CCNY: variants seen among roughly 807,000 people sequenced by gnomAD.
CCNY encodes cyclin-Y.
In CCNY, 19 loss-of-function variants were observed where a neutral mutation model predicts 42.8. That is an observed-to-expected ratio of 0.44 (90% confidence interval 0.31 to 0.65). The LOEUF is 0.65. CCNY is among the 30% of genes least tolerant of loss of function. The pLI is 0.07. For synonymous variants in CCNY, 165 were observed against 162.7 expected (o/e 1.01, Z -0.11); for missense variants, 370 against 437.3 (o/e 0.85, Z 1.37).
chr10:35,538,416 A>G (rs757815251), intron 7 of CCNY, among the ~76,000 whole-genome samples: 4 of 152,226 alleles, frequency 2.6e-5, no homozygotes, highest in Non-Finnish European at 5.9e-5. Flanking sequence ...GCACAATTTC[A>G]GATTTCCTTT....
chr10:35,440,490 A>T (rs1438442266), intron 1 of CCNY, among the ~76,000 whole-genome samples: 4 of 152,220 alleles, frequency 2.6e-5, no homozygotes, highest in African/African-American at 4.8e-5. Context: ...TGCTTATGAA[A>T]ACAGCCTGGC....
chr10:35,376,758 C>T (rs977369297), intron 1 of CCNY, among the ~76,000 whole-genome samples: 2 of 152,066 alleles, frequency 1.3e-5, no homozygotes, highest in African/African-American at 4.8e-5. Context: ...CATGGGTGAA[C>T]CTTTAAAACA....
chr10:35,350,749 A>G (rs1836412754), intron 1 of CCNY, among the ~76,000 whole-genome samples: 1 of 152,228 alleles, frequency 6.6e-6, no homozygotes, highest in Admixed American at 6.5e-5. Flanking sequence ...TTTGATCTCA[A>G]GAGTCACTTC....
intron 3 of CCNY, among the ~76,000 whole-genome samples, chr10:35,330,758 T>TA (rs1451463864): frequency 7.0e-5 from 5 of 71,192 alleles, no homozygotes; most frequent in African/African-American, 2.3e-4. Flanking sequence ...CAGCTTTTAT[T>TA]TTTTTTTTTT....
At chr10:35,313,114 G>C (rs537826503) in intron 3 of CCNY, among the ~76,000 whole-genome samples, 40 of 152,236 alleles carry the variant, frequency 2.6e-4, no homozygotes, top group African/African-American at 9.4e-4. Flanking sequence ...CTAGAGTCCA[G>C]GGATGATGAT....
intron 7 of CCNY, among the ~76,000 whole-genome samples, chr10:35,536,266 A>G (rs975678617): frequency 2.0e-5 from 3 of 151,112 alleles, no homozygotes; most frequent in Admixed American, 2.0e-4. Context: ...AGTGCCTTTC[A>G]CCCTCCGCCA....
chr10:35,509,484 C>T (rs1840278888), intron 3 of CCNY, among the ~76,000 whole-genome samples: 1 of 152,164 alleles, frequency 6.6e-6, no homozygotes. Flanking sequence ...CCATGTTGGC[C>T]AGGCTGGTCT....
At chr10:35,560,937 G>A (rs538318731) in intron 8 of CCNY, among the ~76,000 whole-genome samples, 40 of 152,284 alleles carry the variant, frequency 2.6e-4, no homozygotes, top group African/African-American at 9.4e-4. Flanking sequence ...AAGGCTCACT[G>A]GAAGCTGGGG....
At chr10:35,308,447 G>C (rs1270186436) in intron 3 of CCNY, among the ~76,000 whole-genome samples, 1 of 152,180 alleles carries the variant, frequency 6.6e-6, no homozygotes, top group Non-Finnish European at 1.5e-5. Context: ...GGCTACTTGG[G>C]AGGCTGAGGT....
chr10:35,476,170 C>A (rs974382595), intron 1 of CCNY, among the ~76,000 whole-genome samples: 2 of 152,076 alleles, frequency 1.3e-5, no homozygotes, highest in Non-Finnish European at 2.9e-5. Flanking sequence ...ACTTAGACTC[C>A]CACACATTAA....
intron 1 of CCNY, among the ~76,000 whole-genome samples, chr10:35,347,686 TG>T (rs1299925081): frequency 2.0e-5 from 3 of 152,226 alleles, no homozygotes; most frequent in African/African-American, 7.2e-5. Flanking sequence ...GGATGAGTTC[TG>T]TTTTTTGCTT....
At chr10:35,470,499 G>T (rs1233008519) in intron 1 of CCNY, among the ~76,000 whole-genome samples, 1 of 152,242 alleles carries the variant, frequency 6.6e-6, no homozygotes, top group Non-Finnish European at 1.5e-5. Flanking sequence ...ACACACACTT[G>T]CAAAGACATA....
At chr10:35,534,585 T>G (rs903731357) in intron 7 of CCNY, among the ~76,000 whole-genome samples, 1 of 152,188 alleles carries the variant, frequency 6.6e-6, no homozygotes, top group African/African-American at 2.4e-5. Context: ...TATTTTTTAA[T>G]AGCTTTATTG....
At chr10:35,421,105 G>A (rs1838149918) in intron 1 of CCNY, among the ~76,000 whole-genome samples, 1 of 152,220 alleles carries the variant, frequency 6.6e-6, no homozygotes, top group Non-Finnish European at 1.5e-5. Context: ...GATTTTGGGT[G>A]TAGGACGAGG....
intron 3 of CCNY, among the ~76,000 whole-genome samples, chr10:35,295,807 C>T (rs1028036673): frequency 3.3e-5 from 5 of 152,118 alleles, no homozygotes; most frequent in Non-Finnish European, 7.3e-5. Flanking sequence ...TATCATATCA[C>T]GTGTCAAAAC....
At chr10:35,417,968 C>G (rs759426528) in intron 1 of CCNY, among the ~76,000 whole-genome samples, 2 of 152,140 alleles carry the variant, frequency 1.3e-5, no homozygotes, top group African/African-American at 2.4e-5. Context: ...GGTACCATTT[C>G]CAGTAAGTCT....
At chr10:35,559,549 A>G (rs1333239318) in intron 8 of CCNY, among the ~76,000 whole-genome samples, 2 of 152,236 alleles carry the variant, frequency 1.3e-5, no homozygotes, top group Non-Finnish European at 2.9e-5. Context: ...AGGCAACACA[A>G]GGGTGCTGGG....
intron 1 of CCNY, among the ~76,000 whole-genome samples, chr10:35,363,438 C>T (rs1213096008): frequency 6.6e-6 from 1 of 151,866 alleles, no homozygotes; most frequent in Non-Finnish European, 1.5e-5. Flanking sequence ...GGCTGCCGGG[C>T]AGAGGTGCTC....
At chr10:35,342,416 A>G (rs545763963) in intron 1 of CCNY, among the ~76,000 whole-genome samples, 2 of 152,324 alleles carry the variant, frequency 1.3e-5, no homozygotes, top group South Asian at 2.1e-4. Context: ...GTGACTTCAT[A>G]TTAGTTAGCA....
Sources: allele counts gnomAD v4.1 joint callset (sites outside exome capture counted in the v4.1 genomes callset), GRCh38; gene constraint gnomAD v4.1.1; transcripts MANE v1.5; gene names NCBI Gene and HGNC (gene_info 2026-07-23, HGNC 2026-07-21).